RIMS2: variants seen among roughly 807,000 people sequenced by gnomAD.
RIMS2 encodes regulating synaptic membrane exocytosis protein 2.
RIMS2 carries 59 observed loss-of-function variants against 174.4 expected under a neutral mutation model. The observed-to-expected ratio is 0.34, with a 90% CI of 0.27 to 0.42. The LOEUF is 0.42. Ranked by LOEUF, RIMS2 falls within the 10% of genes least tolerant of loss-of-function variation. The pLI, the probability that RIMS2 is intolerant of heterozygous loss-of-function variation, is 1.00. For synonymous variants in RIMS2, 606 were observed against 572.5 expected, an observed-to-expected ratio of 1.06 and a Z score of -0.84; for missense variants, 1,620 against 1,666.3, an observed-to-expected ratio of 0.97 and a Z score of 0.48.
chr8:103,942,919 G>T (rs776576449), exon 14 of RIMS2: 3 of 1,602,822 alleles, frequency 1.9e-6, no homozygotes, highest in East Asian at 2.2e-5. Flanking sequence ...CAACACGGAG[G>T]TTGCAAAGTA....
chr8:103,704,033 C>T (rs67220620), intron 2 of RIMS2, among the ~76,000 whole-genome samples: 26,743 of 151,600 alleles, frequency 0.18, 2,557 homozygotes, highest in African/African-American at 0.23. Flanking sequence ...TGAATAAAAG[C>T]GGTGAAAGTG....
At chr8:103,531,264 T>G (rs1836975073) in intron 1 of RIMS2, among the ~76,000 whole-genome samples, 1 of 152,062 alleles carries the variant, frequency 6.6e-6, no homozygotes, top group African/African-American at 2.4e-5. Flanking sequence ...TCTCCTATAT[T>G]ATAAGGCAGT....
intron 1 of RIMS2, among the ~76,000 whole-genome samples, chr8:103,597,970 A>G (rs1455290884): frequency 6.6e-6 from 1 of 152,182 alleles, no homozygotes; most frequent in East Asian, 1.9e-4. Context: ...ATGCATTTCT[A>G]TAAGTATATA....
intron 2 of RIMS2, among the ~76,000 whole-genome samples, chr8:103,704,330 C>G (rs1161714851): frequency 1.3e-5 from 2 of 151,422 alleles, no homozygotes; most frequent in Non-Finnish European, 2.9e-5. Flanking sequence ...GGTGATTGAT[C>G]TTTATAATGT....
chr8:104,012,346 C>CT (rs905534515), intron 17 of RIMS2, among the ~76,000 whole-genome samples: 3 of 146,374 alleles, frequency 2.0e-5, no homozygotes, highest in Non-Finnish European at 3.0e-5. Flanking sequence ...AAATTATGTC[C>CT]TTTTTTTCTT....
chr8:103,609,243 G>T (rs1431530485), intron 1 of RIMS2, among the ~76,000 whole-genome samples: 2 of 152,010 alleles, frequency 1.3e-5, no homozygotes, highest in African/African-American at 4.8e-5. Flanking sequence ...TTTTTTATAG[G>T]TGCTGAATAT....
chr8:104,092,154 G>A (rs184253200), intron 19 of RIMS2, among the ~76,000 whole-genome samples: 2 of 151,736 alleles, frequency 1.3e-5, no homozygotes, highest in Non-Finnish European at 3.0e-5. Flanking sequence ...CACTTATATC[G>A]GATCTACTGT....
chr8:104,049,895 C>T (rs1341342576), intron 19 of RIMS2, among the ~76,000 whole-genome samples: 1 of 152,118 alleles, frequency 6.6e-6, no homozygotes, highest in Non-Finnish European at 1.5e-5. Context: ...TCATTTTAAA[C>T]TATTCAAATT....
rs530241896 is a variant in RIMS2, at chr8:104,150,625, G to A, written c.3335-94291G>A. 6.4e-3 allele frequency among the ~76,000 whole-genome samples: 967 copies of A among 152,226 alleles called. 6 individuals carry two copies. The highest frequency in any genetic ancestry group is 0.011 in the Non-Finnish European group (724 of 68,006). The stretch of plus-strand genomic sequence containing the variant: ...TAGAAAGGTGTTCTAGATAGAAACC[G>A]TAAGAAACAAGGCATAGATCCATGA... On this transcript the variant is annotated intron_variant, in intron 19 of 23. Transcript: ENST00000504942.
chr8:103,554,873 C>T (rs921924450), intron 1 of RIMS2, among the ~76,000 whole-genome samples: 1 of 152,102 alleles, frequency 6.6e-6, no homozygotes, highest in Non-Finnish European at 1.5e-5. Flanking sequence ...AGATCATGTC[C>T]TTTGCAGCAA....
intron 1 of RIMS2, among the ~76,000 whole-genome samples, chr8:103,626,757 A>G (rs1589287869): frequency 6.6e-6 from 1 of 151,842 alleles, no homozygotes; most frequent in African/African-American, 2.4e-5. Context: ...GTCATCACAT[A>G]TTGGTAGGAC....
intron 4 of RIMS2, among the ~76,000 whole-genome samples, chr8:103,908,520 A>C (rs1478818593): frequency 3.3e-5 from 5 of 152,188 alleles, no homozygotes; most frequent in Admixed American, 3.3e-4. Flanking sequence ...TATGAAATAG[A>C]GTAATTCCCT....
chr8:104,055,537 G>A (rs2096854513), intron 19 of RIMS2, among the ~76,000 whole-genome samples: 2 of 152,190 alleles, frequency 1.3e-5, no homozygotes, highest in African/African-American at 4.8e-5. Context: ...CCTTTTCTTA[G>A]AAGCAATTTC....
At chr8:103,924,626 A>T (rs1205287764) in intron 10 of RIMS2, among the ~76,000 whole-genome samples, 3 of 151,638 alleles carry the variant, frequency 2.0e-5, no homozygotes, top group Non-Finnish European at 1.5e-5. Flanking sequence ...TTACAAAATT[A>T]TGAAACTGCT....
At chr8:103,930,208 C>T (rs2079630113) in intron 11 of RIMS2, among the ~76,000 whole-genome samples, 1 of 151,800 alleles carries the variant, frequency 6.6e-6, no homozygotes, top group Non-Finnish European at 1.5e-5. Flanking sequence ...ATTTTATATA[C>T]TTTTTTGGGC....
chr8:104,232,547 T>C (rs1459321662), intron 19 of RIMS2, among the ~76,000 whole-genome samples: 1 of 152,196 alleles, frequency 6.6e-6, no homozygotes, highest in Non-Finnish European at 1.5e-5. Flanking sequence ...TTCTGGGCTG[T>C]AGGTTAGGAG....
intron 14 of RIMS2, among the ~76,000 whole-genome samples, chr8:103,943,403 A>G (rs2082997052): frequency 6.6e-6 from 1 of 152,140 alleles, no homozygotes; most frequent in South Asian, 2.1e-4. Flanking sequence ...TAATTCTTAC[A>G]CTTTAGAACT....
chr8:103,516,606 T>C (rs2130060321), intron 1 of RIMS2, among the ~76,000 whole-genome samples: 1 of 152,254 alleles, frequency 6.6e-6, no homozygotes, highest in East Asian at 1.9e-4. Context: ...GACAAAATAA[T>C]TTATATCCTA....
intron 1 of RIMS2, among the ~76,000 whole-genome samples, chr8:103,593,820 CAATT>C (rs2094370224): frequency 6.6e-6 from 1 of 150,570 alleles, no homozygotes; most frequent in Non-Finnish European, 1.5e-5. Context: ...AATTAAAAAT[CAATT>C]TAAAAATAAA....
Sources: gnomAD v4.1 joint callset for allele counts (sites outside exome capture counted in the v4.1 genomes callset) on GRCh38, gnomAD v4.1.1 for gene constraint, MANE v1.5 for transcripts, NCBI Gene and HGNC (gene_info 2026-07-23, HGNC 2026-07-21) for gene names.